The following FAS variants were observed in gnomAD, a reference collection of about 807,000 sequenced individuals.
FAS encodes the protein tumor necrosis factor receptor superfamily member 6.
Under a neutral mutation model 33.2 loss-of-function variants are expected in FAS, and 5 were observed. The observed-to-expected ratio is 0.15, with a 90% confidence interval of 0.08 to 0.32. FAS has a LOEUF of 0.32. FAS is among the 10% of genes least tolerant of loss of function. FAS has a pLI of 1.00. For missense variants in FAS, 339 were observed against 386.0 expected, an observed-to-expected ratio of 0.88 and a Z score of 1.02; for synonymous variants, 131 against 130.7, an observed-to-expected ratio of 1.00 and a Z score of -0.01.
chr10:88,995,715 A>G (rs532876806), intron 1 of FAS, among the ~76,000 whole-genome samples: 1 of 152,046 alleles, frequency 6.6e-6, no homozygotes, highest in Non-Finnish European at 1.5e-5. Flanking sequence ...TATCTCAGCT[A>G]CTCGGGAGGT....
At chr10:88,977,482 G>A (rs904343081) in intron 2 of FAS, among the ~76,000 whole-genome samples, 10 of 151,958 alleles carry the variant, frequency 6.6e-5, no homozygotes, top group South Asian at 2.1e-4. Flanking sequence ...GTAGATATGC[G>A]GCGTTCAACC....
upstream of FAS, among the ~76,000 whole-genome samples, chr10:88,989,128 A>G (rs1223281517): frequency 1.3e-5 from 2 of 152,170 alleles, no homozygotes; most frequent in East Asian, 1.9e-4. Flanking sequence ...TTATTTGTAA[A>G]GTAAGTTTAA....
At position 89,014,416 on chromosome 10, in the gene FAS, C is replaced by A; in HGVS notation, c.974C>A (p.Ser325Ter). Residue 325 changes from serine to a stop codon, truncating the protein, a stop_gained, in exon 9 of 9, where the codon TCA (serine) becomes TAA (stop). Transcript: ENST00000652046. LOFTEE classifies it low-confidence loss of function (END_TRUNC). ...GACATTACTAGTGACTCAGAAAATT[C>A]AAACTTCAGAAATGAAATCCAAAGC... ...LKDITSDSENSNFRNEIQSLV is the reference protein window; with the variant it reads ...LKDITSDSEN 6.2e-7 allele frequency: 1 copy of A among 1,611,918 alleles called. No homozygotes were observed. The highest frequency in any genetic ancestry group is 1.7e-5 in the Admixed American group (1 of 60,002).
chr10:88,994,398 G>C (rs9325603), intron 1 of FAS, among the ~76,000 whole-genome samples: 17,330 of 152,198 alleles, frequency 0.11, 1,436 homozygotes, highest in East Asian at 0.42. Context: ...AGGTACTAAA[G>C]ACTATTTACT....
At position 89,016,247 on chromosome 10, in the gene FAS, G is replaced by A. The variant is rs1470017336; in HGVS notation, c.*1797G>A. On this transcript the variant is annotated 3_prime_UTR_variant, in exon 9 of 9. Transcript: ENST00000652046. The stretch of plus-strand genomic sequence containing the variant: ...ATGTAAGCATGTCGGTAAGATAGTT[G>A]TGCTTTGCTTAGGGTTCCCTCCTGT... 1 of 216,952 alleles carries A rather than the reference G, an allele frequency of 4.6e-6. No individual in the cohort carries two copies. The allele number at this position is 216,952 out of a possible 1,614,324, so 13.4% of individuals were successfully genotyped here.
intron 2 of FAS, among the ~76,000 whole-genome samples, chr10:89,004,741 C>T (rs1589468676): frequency 1.3e-5 from 2 of 151,970 alleles, no homozygotes; most frequent in East Asian, 3.9e-4. Flanking sequence ...TTATATAAAC[C>T]TTCTTAAGTA....
rs9658789 is a variant in FAS at position 89,016,739 on chromosome 10, G to A, written c.*2289G>A. The A allele has an allele frequency of 7.1e-4, 159 of 223,162 alleles. No homozygotes were observed. Among genetic ancestry groups the A allele is most frequent in the African/African-American group, 3.0e-3 (136 of 44,856 alleles). The allele number at this position is 223,162 out of a possible 1,614,324, so 13.8% of individuals were successfully genotyped here. Reference sequence around the variant, plus strand: ...TACTGGGTAGGAGAATCACCCAAAGGTCACCCATGAGCTGCAGAAAAAAAG... The same window carrying A: ...TACTGGGTAGGAGAATCACCCAAAGATCACCCATGAGCTGCAGAAAAAAAG... On this transcript the variant is annotated 3_prime_UTR_variant, in exon 9 of 9. Coordinates refer to ENST00000652046, the MANE Select transcript of FAS (RefSeq NM_000043.6).
intron 2 of FAS, among the ~76,000 whole-genome samples, chr10:88,981,406 C>T (rs879910482): frequency 2.6e-5 from 4 of 151,844 alleles, no homozygotes; most frequent in Non-Finnish European, 5.9e-5. Flanking sequence ...AAGAACTGGC[C>T]ATTGCTTTAT....
At chr10:88,990,576 C>CA (rs1294088697), upstream of FAS, 2 of 659,584 alleles carry the variant, frequency 3.0e-6, no homozygotes, top group Non-Finnish European at 5.6e-6. This position sits in a 1 kb window ranked among gnomAD's most constrained non-coding sequence, Gnocchi z 4.9. Context: ...GAGCCCTCCC[C>CA]AACCCGGGCG....
In FAS at chr10:89,015,761, A is replaced by G; in HGVS notation, c.*1311A>G. Reference sequence around the variant, plus strand: ...GGAATTATAAAATATAGGTAAAAGTACGTAATTAAATAATGTTTTTGGTAT... The same window carrying G: ...GGAATTATAAAATATAGGTAAAAGTGCGTAATTAAATAATGTTTTTGGTAT... On this transcript the variant is annotated 3_prime_UTR_variant, in exon 9 of 9. Transcript: ENST00000652046. The G allele has an allele frequency of 2.0e-6, 1 of 488,274 alleles. No individual in the cohort carries two copies. The highest frequency in any genetic ancestry group is 1.9e-5 in the South Asian group (1 of 53,736). The allele number at this position is 488,274 out of a possible 1,614,324, so 30.2% of individuals were successfully genotyped here. A position where few individuals can be genotyped will look rare whatever the true frequency, so the allele number is the denominator to read the frequency against.
chr10:88,975,371 A>T (rs1487835092), intron 2 of FAS, among the ~76,000 whole-genome samples: 3 of 152,226 alleles, frequency 2.0e-5, no homozygotes, highest in African/African-American at 7.2e-5. Flanking sequence ...GTTGAGAAGG[A>T]CAATAGTACT....
chr10:88,990,579 C>G, upstream of FAS: 2 of 662,022 alleles, frequency 3.0e-6, no homozygotes, highest in South Asian at 3.0e-5. The surrounding 1 kb of genome is among the most constrained non-coding windows in gnomAD (Gnocchi z 4.9). Flanking sequence ...CCCTCCCCAA[C>G]CCGGGCGTTC....
intron 3 of FAS, 90 bp from the exon 4 acceptor site, chr10:89,008,799 C>A: frequency 2.5e-6 from 3 of 1,177,122 alleles, no homozygotes; most frequent in Non-Finnish European, 3.8e-6. Context: ...AGCAGTGGAT[C>A]TCAAAAATCC....
At chr10:88,991,443 T>C (rs1055198115) in intron 1 of FAS, 1 of 201,024 alleles carries the variant, frequency 5.0e-6, no homozygotes, top group African/African-American at 2.4e-5. Flanking sequence ...TTCTCAGACG[T>C]AGGAAATAAG....
intron 1 of FAS, among the ~76,000 whole-genome samples, chr10:88,998,072 A>G (rs1435452862): frequency 6.6e-6 from 1 of 152,166 alleles, no homozygotes; most frequent in Non-Finnish European, 1.5e-5. Flanking sequence ...GAATCAAGAG[A>G]CTATAGTTCA....
At chr10:89,013,062 A>G (rs1281196824) in intron 7 of FAS, among the ~76,000 whole-genome samples, 1 of 152,168 alleles carries the variant, frequency 6.6e-6, no homozygotes, top group Admixed American at 6.5e-5. Context: ...ATAAGTCTAT[A>G]TGAAAAATAA....
intron 1 of FAS, among the ~76,000 whole-genome samples, chr10:88,992,153 G>A (rs955076011): frequency 6.6e-6 from 1 of 152,134 alleles, no homozygotes; most frequent in African/African-American, 2.4e-5. Flanking sequence ...GCTGTTCGCT[G>A]ATTGCATCTG....
intron 1 of FAS, among the ~76,000 whole-genome samples, chr10:88,969,621 C>G (rs74147450): frequency 0.033 from 4,949 of 152,124 alleles, 278 homozygotes; most frequent in African/African-American, 0.11. Context: ...GTTTCTGGCT[C>G]TCTGGGATGA....
chr10:88,972,039 G>A (rs909251478), intron 1 of FAS, among the ~76,000 whole-genome samples: 22 of 152,028 alleles, frequency 1.4e-4, no homozygotes, highest in African/African-American at 4.8e-4. Context: ...CTCCTAAGGA[G>A]CTGGGACTAC....
Sources: gnomAD v4.1 joint callset for allele counts (sites outside exome capture counted in the v4.1 genomes callset) on GRCh38, gnomAD v4.1.1 for gene constraint, Gnocchi (gnomAD v3.1) non-coding constraint, MANE v1.5 for transcripts, NCBI Gene and HGNC (gene_info 2026-07-23, HGNC 2026-07-21) for gene names.